MBNL3: variants seen among roughly 807,000 people sequenced by gnomAD.
MBNL3 encodes muscleblind like splicing regulator 3, also known as muscleblind-like protein 3.
Under a neutral mutation model 24.5 loss-of-function variants are expected in MBNL3, and 6 were observed. The ratio of observed to expected loss-of-function variants is 0.25; its 90% CI spans 0.13 to 0.48. The LOEUF (loss-of-function observed/expected upper bound fraction) is 0.48, where lower values mean the gene tolerates loss of function less well. MBNL3 is among the 20% of genes least tolerant of loss of function. The pLI is 0.99. For missense variants in MBNL3, 230 were observed against 293.5 expected (o/e 0.78, Z 1.58); for synonymous variants, 100 against 101.7 (o/e 0.98, Z 0.10).
In MBNL3 at chrX:132,379,001, G is replaced by A. The variant is rs974947877; in HGVS notation, c.*665C>T. The A allele has an allele frequency of 2.7e-5, 3 of 111,693 alleles. No individual in the cohort carries two copies. Among genetic ancestry groups the A allele is most frequent in the African/African-American group, 9.8e-5 (3 of 30,722 alleles). 9.2% of individuals were successfully genotyped at this position (111,693 alleles called of 1,213,427 possible). ...AGGTTTTGTGCACATTCAAAAGTGAGGCGTTTTAAATGTCAGTCCCAAGAA... is the reference window on the plus strand; with the variant it reads ...AGGTTTTGTGCACATTCAAAAGTGAAGCGTTTTAAATGTCAGTCCCAAGAA... On this transcript the variant is annotated 3_prime_UTR_variant, in exon 9 of 9. Transcript: ENST00000370853.
At chrX:132,408,116 T>TACCAA (rs1942141361) in intron 2 of MBNL3, among the ~76,000 whole-genome samples, 1 of 46,825 alleles carries the variant, frequency 2.1e-5, no homozygotes, top group African/African-American at 7.6e-5. Context: ...TTTTTTTTTT[T>TACCAA]TTTTTTTTTT....
At chrX:132,426,341 C>A (rs1944304408) in intron 2 of MBNL3, among the ~76,000 whole-genome samples, 1 of 111,936 alleles carries the variant, frequency 8.9e-6, no homozygotes, top group Admixed American at 9.4e-5. Context: ...TTCTACTTAA[C>A]CATGTTGGCT....
At chrX:132,412,738 G>A (rs769719155) in intron 2 of MBNL3, among the ~76,000 whole-genome samples, 10 of 111,649 alleles carry the variant, frequency 9.0e-5, no homozygotes, top group Non-Finnish European at 1.5e-4. Flanking sequence ...TTTTTACCTC[G>A]GTTCTCATCG....
At chrX:132,469,667 T>C (rs1050985200) in intron 1 of MBNL3, among the ~76,000 whole-genome samples, 1 of 112,476 alleles carries the variant, frequency 8.9e-6, no homozygotes, top group Non-Finnish European at 1.9e-5. Flanking sequence ...TAATATAACA[T>C]ATATCATATC....
chrX:132,462,982 T>A (rs1284125200), intron 1 of MBNL3, among the ~76,000 whole-genome samples: 1 of 111,588 alleles, frequency 9.0e-6, no homozygotes, highest in African/African-American at 3.3e-5. Context: ...GGCCCAGAGC[T>A]TTTTAATAAA....
chrX:132,397,842 G>A (rs1940092593), intron 3 of MBNL3, among the ~76,000 whole-genome samples: 1 of 110,761 alleles, frequency 9.0e-6, no homozygotes, highest in Non-Finnish European at 1.9e-5. Flanking sequence ...CACACTCCTT[G>A]AGTAATGTTC....
intron 1 of MBNL3, among the ~76,000 whole-genome samples, chrX:132,470,970 GCTA>G (rs1947150096): frequency 9.0e-6 from 1 of 111,193 alleles, no homozygotes; most frequent in African/African-American, 3.3e-5. Context: ...AAGTTTTGAT[GCTA>G]CTGTTTACTA....
intron 2 of MBNL3, chrX:132,411,236 CACAT>C (rs903009174): frequency 1.1e-5 from 8 of 752,169 alleles, no homozygotes; most frequent in Non-Finnish European, 1.3e-5. Flanking sequence ...ATCCCATACA[CACAT>C]ACACAGGGCA....
chrX:132,455,328 T>G (rs899328762), intron 1 of MBNL3, among the ~76,000 whole-genome samples: 3 of 112,382 alleles, frequency 2.7e-5, no homozygotes, highest in African/African-American at 9.7e-5. Flanking sequence ...TCTATCATTT[T>G]CAACTCTGAT....
At chrX:132,469,057 G>A (rs1393582853) in intron 1 of MBNL3, among the ~76,000 whole-genome samples, 2 of 112,283 alleles carry the variant, frequency 1.8e-5, no homozygotes, top group Non-Finnish European at 3.8e-5. Context: ...ATTTCACTGT[G>A]TTAGTAAAAA....
At chrX:132,386,564 G>A (rs956080551) in intron 6 of MBNL3, 97 bp downstream of exon 6, 19 of 952,721 alleles carry the variant, frequency 2.0e-5, no homozygotes, top group Non-Finnish European at 2.7e-5. Flanking sequence ...AATACATGTC[G>A]ACAGTCCTCC....
At chrX:132,422,147 G>C (rs1046502391) in intron 2 of MBNL3, among the ~76,000 whole-genome samples, 3 of 110,323 alleles carry the variant, frequency 2.7e-5, no homozygotes, top group Non-Finnish European at 1.9e-5. Context: ...GTGTGTGTGT[G>C]TGTGTGTGTA....
intron 6 of MBNL3, 150 bp downstream of exon 6, chrX:132,386,511 T>C: frequency 1.8e-6 from 1 of 563,848 alleles, no homozygotes. Flanking sequence ...TAGTTCTAGA[T>C]ACTAGCAGAT....
In MBNL3 at chrX:132,435,682, A is replaced by G. The variant is rs191398348; in HGVS notation, c.177+3753T>C. 7.2e-5 allele frequency among the ~76,000 whole-genome samples: 8 copies of G among 111,631 alleles called. No homozygotes were observed. In the East Asian group the frequency reaches 2.0e-3, roughly 28 times the overall value. On this transcript the variant is annotated intron_variant, in intron 2 of 8. Transcript: ENST00000370853. ...TTTCTCGTGATCATATGTGATTTTGAAGACATGGCATGTGACTGTTTTATG... is the reference window on the plus strand; with the variant it reads ...TTTCTCGTGATCATATGTGATTTTGGAGACATGGCATGTGACTGTTTTATG...
chrX:132,476,209 T>G (rs1038341239), intron 1 of MBNL3, among the ~76,000 whole-genome samples: 3 of 111,620 alleles, frequency 2.7e-5, no homozygotes, highest in African/African-American at 9.8e-5. Flanking sequence ...GATCAAGTGT[T>G]TTTTTTTCAA....
rs768219804 is a variant in MBNL3 at position 132,426,951 on chromosome X, T to G, written c.177+12484A>C. Among the ~76,000 whole-genome samples the G allele has an allele frequency of 8.0e-5, 9 of 111,889 alleles. No homozygotes were observed. The South Asian group carries it at 3.4e-3, about 42-fold the overall frequency. Reference sequence around the variant, plus strand: ...AATGGATTTAACAGGACTTTCAGCATTAAATAACCCCTGACATTTATACAA... The same window carrying G: ...AATGGATTTAACAGGACTTTCAGCAGTAAATAACCCCTGACATTTATACAA... On this transcript the variant is annotated intron_variant, in intron 2 of 8. Transcript: ENST00000370853.
intron 1 of MBNL3, among the ~76,000 whole-genome samples, chrX:132,468,398 C>T (rs1946998947): frequency 8.9e-6 from 1 of 112,131 alleles, no homozygotes; most frequent in Non-Finnish European, 1.9e-5. Flanking sequence ...TGAGAACACT[C>T]AAAAACTATA....
In MBNL3 at chrX:132,412,347, C is replaced by T. The variant is rs1175624127; in HGVS notation, c.178-5955G>A. Among the ~76,000 whole-genome samples the T allele has an allele frequency of 6.3e-5, 7 of 111,421 alleles. No individual in the cohort carries two copies. In the East Asian group the frequency reaches 2.0e-3, roughly 32 times the overall value. ...CAGGAGGGCCCTGCATTTCCAGGGT[C>T]AGTTTAGAAAAAAACTGCGTTCTCC... On this transcript the variant is annotated intron_variant, in intron 2 of 8. Transcript: ENST00000370853.
intron 2 of MBNL3, among the ~76,000 whole-genome samples, chrX:132,416,162 A>G (rs1943273560): frequency 1.8e-5 from 2 of 112,053 alleles, no homozygotes; most frequent in African/African-American, 3.2e-5. Flanking sequence ...GTTTCCATCA[A>G]TGGAAGAATG....
Sources: allele counts gnomAD v4.1 joint callset (sites outside exome capture counted in the v4.1 genomes callset), GRCh38; gene constraint gnomAD v4.1.1; transcripts MANE v1.5; gene names NCBI Gene and HGNC (gene_info 2026-07-23, HGNC 2026-07-21).